Variants in CLEC2B observed in about 807,000 individuals in gnomAD.
CLEC2B encodes the protein C-type (calcium dependent, carbohydrate-recognition domain) lectin, superfamily member 2 (activation-induced).
A neutral mutation model predicts 16.2 loss-of-function variants in CLEC2B; 14 were observed. The observed-to-expected ratio is 0.86, with a 90% CI of 0.57 to 1.35. The LOEUF (loss-of-function observed/expected upper bound fraction) is 1.35, where lower values mean the gene tolerates loss of function less well. Among genes scored for constraint, CLEC2B ranks in the 40% most tolerant of loss-of-function variants. The pLI is 0.00. For synonymous variants in CLEC2B, 42 were observed against 55.8 expected (o/e 0.75, Z 1.10); for missense variants, 166 against 182.3 (o/e 0.91, Z 0.52).
chr12:9,863,315 T>C (rs1867947495), intron 1 of CLEC2B, among the ~76,000 whole-genome samples: 1 of 151,490 alleles, frequency 6.6e-6, no homozygotes, highest in South Asian at 2.1e-4. Flanking sequence ...GACAGGTAAA[T>C]TACAAGGAAT....
At chr12:9,858,109 C>G (rs1334212873) in intron 2 of CLEC2B, among the ~76,000 whole-genome samples, 2 of 151,992 alleles carry the variant, frequency 1.3e-5, no homozygotes, top group African/African-American at 4.8e-5. Context: ...CACTGTATAG[C>G]TCCGGTTTAG....
In CLEC2B at chr12:9,854,343, A is replaced by G. The variant is rs199614179; in HGVS notation, c.341+38T>C. On this transcript the variant is annotated intron_variant, in intron 4 of 4. Coordinates refer to ENST00000228438, the MANE Select transcript of CLEC2B (RefSeq NM_005127.3). ...CATAAGTCCTAGAGAAGGCTGCACT[A>G]TCTAAATTTAAGTGATCCCAGAAAA... 1.0e-5 allele frequency: 14 copies of G among 1,375,500 alleles called. No homozygotes were observed. The Admixed American group carries it at 1.7e-4, about 17-fold the overall frequency. The allele number at this position is 1,375,500 out of a possible 1,614,324, so 85.2% of individuals were successfully genotyped here.
chr12:9,861,963 G>A (rs1867935865), intron 2 of CLEC2B, among the ~76,000 whole-genome samples: 1 of 151,804 alleles, frequency 6.6e-6, no homozygotes, highest in Non-Finnish European at 1.5e-5. Flanking sequence ...GGCTAACAAA[G>A]CATAAAATAT....
At position 9,854,417 on chromosome 12, in the gene CLEC2B, G is replaced by A; in HGVS notation, c.305C>T (p.Thr102Ile). The A allele has an allele frequency of 6.2e-7, 1 of 1,613,576 alleles. No homozygotes were observed. Among genetic ancestry groups the A allele is most frequent in the Non-Finnish European group, 8.5e-7 (1 of 1,179,614 alleles). Residue 102 changes from threonine to isoleucine, a missense_variant, in exon 4 of 5, where the codon ACA (threonine) becomes ATA (isoleucine). Thr to Ile is a moderately conservative substitution (Grantham distance 89, BLOSUM62 -1). Coordinates refer to ENST00000228438, the MANE Select transcript of CLEC2B (RefSeq NM_005127.3). ...WIGLKMAKNR[T>I]GQWVDGATFT... ...TGTAGCTCCATCTACCCATTGTCCT[G>A]TTCGATTTTTTGCCATCTTCAGTCC... is the stretch of plus-strand genomic sequence containing the variant.
chr12:9,860,350 A>T (rs1453844423), intron 2 of CLEC2B, among the ~76,000 whole-genome samples: 1 of 151,726 alleles, frequency 6.6e-6, no homozygotes, highest in Non-Finnish European at 1.5e-5. Context: ...TATATAGATA[A>T]TTTTTATAGG....
chr12:9,868,399 T>C (rs1256887754), intron 1 of CLEC2B, among the ~76,000 whole-genome samples: 2 of 152,222 alleles, frequency 1.3e-5, no homozygotes, highest in East Asian at 3.9e-4. Flanking sequence ...GTGTGCATTC[T>C]ATTGTACCAC....
intron 2 of CLEC2B, among the ~76,000 whole-genome samples, chr12:9,859,339 G>T (rs966730975): frequency 3.3e-5 from 5 of 151,904 alleles, no homozygotes; most frequent in African/African-American, 1.2e-4. Context: ...AAAGTTTAAA[G>T]TCATAAGATG....
chr12:9,858,851 G>A lies in CLEC2B; in HGVS notation c.74-1214C>T, dbSNP rs562839752. Among the ~76,000 whole-genome samples, 9 of 152,082 alleles carry A rather than the reference G, an allele frequency of 5.9e-5. No homozygotes were observed. In the South Asian group the frequency reaches 1.7e-3, roughly 28 times the overall value. Reference sequence around the variant, plus strand: ...ATTATAGTTCATTTACCCAGAAATGGTAAGGATGACCTTTACAAATAGAAT... The same window carrying A: ...ATTATAGTTCATTTACCCAGAAATGATAAGGATGACCTTTACAAATAGAAT... On this transcript the variant is annotated intron_variant, in intron 2 of 4. Coordinates refer to ENST00000228438, the MANE Select transcript of CLEC2B (RefSeq NM_005127.3).
chr12:9,867,449 C>T (rs569262314), intron 1 of CLEC2B, among the ~76,000 whole-genome samples: 1 of 152,254 alleles, frequency 6.6e-6, no homozygotes, highest in East Asian at 1.9e-4. Flanking sequence ...GCTTTTTACA[C>T]TCAGCATAAG....
intron 1 of CLEC2B, among the ~76,000 whole-genome samples, chr12:9,865,261 G>A (rs1186389396): frequency 6.7e-6 from 1 of 150,186 alleles, no homozygotes; most frequent in Non-Finnish European, 1.5e-5. Flanking sequence ...GCAGCCTACA[G>A]GAAATCTGCT....
In CLEC2B at chr12:9,854,458, A is replaced by T. The variant is rs1867878163; in HGVS notation, c.264T>A (p.Ser88Arg). Residue 88 changes from serine to arginine, a missense_variant, in exon 4 of 5, where the codon AGT (serine) becomes AGA (arginine). By Grantham distance (110) the Ser-to-Arg change is moderately radical. Coordinates refer to ENST00000228438, the MANE Select transcript of CLEC2B (RefSeq NM_005127.3). The stretch of plus-strand genomic sequence containing the variant: ...TCTTCAGTCCAATCCAGTGATCAGA[A>T]CTGCATTTATACCGCCTAAGAAAAT... ...EMNFLRRYKCSSDHWIGLKMA... is the reference protein window; with the variant it reads ...EMNFLRRYKCRSDHWIGLKMA... The T allele has an allele frequency of 1.2e-6, 2 of 1,613,182 alleles. No individual in the cohort carries two copies. Among genetic ancestry groups the T allele is most frequent in the Non-Finnish European group, 1.7e-6 (2 of 1,179,302 alleles).
chr12:9,859,005 T>C (rs1322080068), intron 2 of CLEC2B, among the ~76,000 whole-genome samples: 1 of 152,010 alleles, frequency 6.6e-6, no homozygotes, highest in Non-Finnish European at 1.5e-5. Flanking sequence ...CAACCTGTTA[T>C]ATGATATACA....
At chr12:9,857,676 GAAT>G in intron 2 of CLEC2B, 39 bp from the exon 3 acceptor site, 1 of 1,435,790 alleles carries the variant, frequency 7.0e-7, no homozygotes. Context: ...GTACCATATA[GAAT>G]AATATGCTAC....
In CLEC2B at chr12:9,854,431, C is replaced by A; in HGVS notation, c.291G>T (p.Met97Ile). The A allele has an allele frequency of 6.2e-7, 1 of 1,613,668 alleles. No homozygotes were observed. The highest frequency in any genetic ancestry group is 8.5e-7 in the Non-Finnish European group (1 of 1,179,720). The change falls in exon 4 of 5, where the codon ATG becomes ATT. Residue 97 changes from methionine (M) to isoleucine (I), a missense_variant. Met to Ile is a conservative substitution (Grantham distance 10). Coordinates refer to ENST00000228438, the MANE Select transcript of CLEC2B (RefSeq NM_005127.3). Reference protein sequence around the residue: ...CSSDHWIGLKMAKNRTGQWVD... With the variant: ...CSSDHWIGLKIAKNRTGQWVD... ...CCCATTGTCCTGTTCGATTTTTTGC[C>A]ATCTTCAGTCCAATCCAGTGATCAG...
chr12:9,862,323 C>A (rs1026554459), intron 2 of CLEC2B, among the ~76,000 whole-genome samples, 176 bp downstream of exon 2: 6 of 151,882 alleles, frequency 4.0e-5, no homozygotes, highest in Non-Finnish European at 2.9e-5. Context: ...ATTTTGGTAT[C>A]TCTGATGCCT....
intron 2 of CLEC2B, among the ~76,000 whole-genome samples, chr12:9,860,579 A>G (rs886629036): frequency 6.6e-6 from 1 of 151,890 alleles, no homozygotes; most frequent in African/African-American, 2.4e-5. Flanking sequence ...AAAATTGACT[A>G]TGGTTTAATG....
intron 3 of CLEC2B, chr12:9,854,721 A>C: frequency 2.0e-6 from 1 of 498,764 alleles, no homozygotes; most frequent in Non-Finnish European, 3.5e-6. Flanking sequence ...AAATTGATAA[A>C]TGTTCAATTT....
intron 2 of CLEC2B, among the ~76,000 whole-genome samples, chr12:9,859,167 A>C (rs1419144774): frequency 1.3e-5 from 2 of 151,964 alleles, no homozygotes; most frequent in Non-Finnish European, 2.9e-5. Context: ...TTATTGGCTT[A>C]AGATTATGTT....
chr12:9,854,010 G>A (rs1222342484), intron 4 of CLEC2B, among the ~76,000 whole-genome samples: 1 of 152,112 alleles, frequency 6.6e-6, no homozygotes, highest in Non-Finnish European at 1.5e-5. Context: ...AGATGAAAAT[G>A]AACGTCAAAT....
Sources: allele counts gnomAD v4.1 joint callset (sites outside exome capture counted in the v4.1 genomes callset), GRCh38; gene constraint gnomAD v4.1.1; transcripts MANE v1.5; gene names NCBI Gene and HGNC (gene_info 2026-07-23, HGNC 2026-07-21).